Variants in SUPT3H observed in about 807,000 individuals in gnomAD.
The protein encoded by SUPT3H is transcription initiation protein SPT3 homolog.
SUPT3H carries 44 observed loss-of-function variants against 44.3 expected under a neutral mutation model. That is an observed-to-expected ratio of 0.99 (90% CI 0.78 to 1.28). SUPT3H has a LOEUF of 1.28. SUPT3H is among the 50% of genes most tolerant of loss of function. The pLI, the probability that SUPT3H is intolerant of heterozygous loss-of-function variation, is 0.00. For missense variants in SUPT3H, 380 were observed against 387.1 expected, an observed-to-expected ratio of 0.98 and a Z score of 0.15; for synonymous variants, 124 against 125.6, an observed-to-expected ratio of 0.99 and a Z score of 0.09.
At chr6:45,031,688 G>T (rs1016628166) in intron 3 of SUPT3H, among the ~76,000 whole-genome samples, 1 of 152,088 alleles carries the variant, frequency 6.6e-6, no homozygotes, top group East Asian at 1.9e-4. Context: ...TTAACCCTGG[G>T]TATAGTTTTG....
At chr6:45,014,727 A>T in intron 5 of SUPT3H, 74 bp downstream of exon 5, 1 of 1,006,970 alleles carries the variant, frequency 9.9e-7, no homozygotes, top group Non-Finnish European at 1.4e-6. Context: ...GTTACATTGG[A>T]ATTGCATAAA....
At chr6:45,283,604 C>A (rs546920288) in intron 2 of SUPT3H, among the ~76,000 whole-genome samples, 1 of 152,222 alleles carries the variant, frequency 6.6e-6, no homozygotes, top group South Asian at 2.1e-4. Flanking sequence ...CAGAGACCTA[C>A]AAAGAGACTT....
intron 3 of SUPT3H, among the ~76,000 whole-genome samples, chr6:45,052,909 G>C (rs1790518624): frequency 6.6e-6 from 1 of 152,070 alleles, no homozygotes; most frequent in Admixed American, 6.6e-5. Context: ...GGGGTAAAAA[G>C]GTATGTGTGA....
chr6:45,111,616 T>C (rs1416905353), intron 2 of SUPT3H, among the ~76,000 whole-genome samples: 1 of 151,480 alleles, frequency 6.6e-6, no homozygotes, highest in Non-Finnish European at 1.5e-5. Context: ...ATTTTTCCTT[T>C]CAAACAATTA....
intron 2 of SUPT3H, chr6:45,322,813 A>G: frequency 1.5e-6 from 2 of 1,299,812 alleles, no homozygotes; most frequent in Non-Finnish European, 2.2e-6. Flanking sequence ...TTTTGGCAAG[A>G]TGCACTTTCT....
At chr6:44,914,654 G>A (rs1218249738) in intron 10 of SUPT3H, among the ~76,000 whole-genome samples, 1 of 152,136 alleles carries the variant, frequency 6.6e-6, no homozygotes, top group Non-Finnish European at 1.5e-5. Context: ...TAAGTTTGAG[G>A]GGCCTAAAAC....
At chr6:45,180,464 AC>A (rs1562628413) in intron 2 of SUPT3H, among the ~76,000 whole-genome samples, 1 of 147,816 alleles carries the variant, frequency 6.8e-6, no homozygotes, top group Admixed American at 6.7e-5. Context: ...CTGACTTCAA[AC>A]TATACTACAA....
intron 2 of SUPT3H, among the ~76,000 whole-genome samples, chr6:45,170,922 C>G (rs1216749320): frequency 1.3e-5 from 2 of 152,046 alleles, no homozygotes; most frequent in Non-Finnish European, 2.9e-5. Flanking sequence ...ATTTTAAAAT[C>G]AAGACACTTC....
At chr6:45,231,041 C>T (rs1490790996) in intron 2 of SUPT3H, among the ~76,000 whole-genome samples, 1 of 152,086 alleles carries the variant, frequency 6.6e-6, no homozygotes, top group Non-Finnish European at 1.5e-5. Flanking sequence ...TTTTCCCCGT[C>T]ACCTTGTTAA....
chr6:44,932,204 C>T (rs959998807), intron 10 of SUPT3H, among the ~76,000 whole-genome samples: 1 of 152,158 alleles, frequency 6.6e-6, no homozygotes, highest in Non-Finnish European at 1.5e-5. Flanking sequence ...AAAAGGCTGT[C>T]TGCATTTCAG....
chr6:45,235,772 A>G (rs914724929), intron 2 of SUPT3H, among the ~76,000 whole-genome samples: 1 of 152,148 alleles, frequency 6.6e-6, no homozygotes, highest in Non-Finnish European at 1.5e-5. Context: ...GCTGACCTCA[A>G]AACCGGCCAT....
At chr6:44,843,884 C>T (rs551932402) in intron 10 of SUPT3H, among the ~76,000 whole-genome samples, 2 of 150,442 alleles carry the variant, frequency 1.3e-5, no homozygotes, top group East Asian at 3.9e-4. Context: ...AATAAAAACT[C>T]AAAGGACCTT....
chr6:45,016,705 C>G lies in SUPT3H; in HGVS notation c.274-1814G>C, dbSNP rs200404896. On this transcript the variant is annotated intron_variant, in intron 4 of 10. Transcript: ENST00000371459. Reference sequence around the variant, plus strand: ...GTTTTATGGCTGCATAGTATTCCATCGTGTATATGTGCCACATTTTCTTAA... The same window carrying G: ...GTTTTATGGCTGCATAGTATTCCATGGTGTATATGTGCCACATTTTCTTAA... Among the ~76,000 whole-genome samples, 46 of 151,904 alleles carry G rather than the reference C, an allele frequency of 3.0e-4. No individual in the cohort carries two copies. In the South Asian group the frequency reaches 5.2e-3, roughly 17 times the overall value.
intron 10 of SUPT3H, among the ~76,000 whole-genome samples, chr6:44,830,596 C>G (rs1768483939): frequency 6.6e-6 from 1 of 152,050 alleles, no homozygotes. Flanking sequence ...GTTGGGAGAC[C>G]TGGATCACAC....
intron 2 of SUPT3H, among the ~76,000 whole-genome samples, chr6:45,247,839 C>A (rs1233540037): frequency 6.6e-6 from 1 of 152,068 alleles, no homozygotes. Context: ...AAGCTACAGT[C>A]ATCAAGACAG....
At chr6:45,311,010 A>G (rs1562932071) in intron 2 of SUPT3H, among the ~76,000 whole-genome samples, 3 of 152,260 alleles carry the variant, frequency 2.0e-5, no homozygotes, top group Admixed American at 1.3e-4. Flanking sequence ...GCGAAGCCCA[A>G]TGCAAGGAAA....
intron 2 of SUPT3H, among the ~76,000 whole-genome samples, chr6:45,119,381 A>T (rs998917216): frequency 3.3e-5 from 5 of 152,122 alleles, no homozygotes; most frequent in Admixed American, 3.3e-4. Flanking sequence ...GTGGGCACTC[A>T]ATGTATGTCT....
chr6:45,351,100 C>A (rs759037530), intron 2 of SUPT3H, among the ~76,000 whole-genome samples: 4 of 152,120 alleles, frequency 2.6e-5, no homozygotes, highest in Non-Finnish European at 5.9e-5. Flanking sequence ...CCCCACCAAC[C>A]CAGGTCTGTG....
At chr6:44,820,098 G>T (rs1264597603) in intron 11 of SUPT3H, among the ~76,000 whole-genome samples, 1 of 149,930 alleles carries the variant, frequency 6.7e-6, no homozygotes, top group Non-Finnish European at 1.5e-5. Flanking sequence ...ATGCGCCTGT[G>T]GTCCCAGCTA....
Sources: gnomAD v4.1 joint callset for allele counts (sites outside exome capture counted in the v4.1 genomes callset) on GRCh38, gnomAD v4.1.1 for gene constraint, MANE v1.5 for transcripts, NCBI Gene and HGNC (gene_info 2026-07-23, HGNC 2026-07-21) for gene names.